The following TRAF7 variants were observed in gnomAD, a reference collection of about 807,000 sequenced individuals.
TRAF7 encodes E3 ubiquitin-protein ligase TRAF7.
A neutral mutation model predicts 89.3 loss-of-function variants in TRAF7; 45 were observed. That is an observed-to-expected ratio of 0.50 (90% confidence interval 0.40 to 0.65). TRAF7 has a LOEUF of 0.65. Ranked by LOEUF, TRAF7 falls within the 30% of genes least tolerant of loss-of-function variation. The pLI, the probability that TRAF7 is intolerant of heterozygous loss-of-function variation, is 0.00. For synonymous variants in TRAF7, 406 were observed against 369.2 expected, an observed-to-expected ratio of 1.10 and a Z score of -1.14; for missense variants, 677 against 918.1, an observed-to-expected ratio of 0.74 and a Z score of 3.39.
At chr16:2,169,494 A>G (rs2093099642) in intron 4 of TRAF7, among the ~76,000 whole-genome samples, 1 of 151,584 alleles carries the variant, frequency 6.6e-6, no homozygotes, top group Non-Finnish European at 1.5e-5. Flanking sequence ...AGAGGCGGGT[A>G]CCTTCTCTGT....
At position 2,158,772 on chromosome 16, in the gene TRAF7, G is replaced by GT. The variant is rs1399497029; in HGVS notation, c.-39+2914_-39+2915insT. On this transcript the variant is annotated intron_variant, in intron 1 of 20. Transcript: ENST00000326181. The surrounding 1 kb of genome is among the most constrained non-coding windows in gnomAD (Gnocchi z 4.7). ...GACTGGGAAGCGTGGGCTCGGCGGG[G>GT]GGGGGGGGGACACTGCCACCCTTGG... is the stretch of plus-strand genomic sequence containing the variant. 6.0e-5 allele frequency among the ~76,000 whole-genome samples: 9 copies of GT among 150,904 alleles called. No individual in the cohort carries two copies. The highest frequency in any genetic ancestry group is 2.2e-4 in the African/African-American group (9 of 40,898).
At chr16:2,176,510 C>A (rs1270517255) in intron 20 of TRAF7, 50 bp from the exon 21 acceptor site, 2 of 1,612,442 alleles carry the variant, frequency 1.2e-6, no homozygotes, top group African/African-American at 2.7e-5. Context: ...GTGGCTGGGG[C>A]AGGGCAGCCG....
At chr16:2,164,701 G>T (rs1182472132) in intron 2 of TRAF7, among the ~76,000 whole-genome samples, 4 of 126,174 alleles carry the variant, frequency 3.2e-5, no homozygotes, top group Admixed American at 8.0e-5. Flanking sequence ...TTAAGCGTGT[G>T]AGTGCTGCGT....
intron 3 of TRAF7, among the ~76,000 whole-genome samples, chr16:2,166,505 A>T (rs1343617320): frequency 6.6e-6 from 1 of 152,032 alleles, no homozygotes; most frequent in Non-Finnish European, 1.5e-5. Context: ...GCCTCCTGGG[A>T]TCAGTCCTGC....
intron 14 of TRAF7, 116 bp from the exon 15 acceptor site, chr16:2,174,995 G>T: frequency 2.3e-6 from 3 of 1,287,000 alleles, no homozygotes; most frequent in Admixed American, 1.7e-5. Context: ...CAGTGGCCTT[G>T]GCCCTGGGCC....
rs2093097103 is a variant in TRAF7, at chr16:2,168,817, T to G, written c.231+649T>G. On this transcript the variant is annotated intron_variant, in intron 4 of 20. Transcript: ENST00000326181. The surrounding 1 kb of genome is among the most constrained non-coding windows in gnomAD (Gnocchi z 4.1). ...TGGTCAATGGCGCTCATTGCTGGGC[T>G]CTGGGCCTACCCAGGGGACAGAGGC... 6.6e-6 allele frequency among the ~76,000 whole-genome samples: 1 copy of G among 151,722 alleles called. No homozygotes were observed. Among genetic ancestry groups the G allele is most frequent in the Non-Finnish European group, 1.5e-5 (1 of 67,944 alleles).
intron 1 of TRAF7, among the ~76,000 whole-genome samples, chr16:2,157,466 G>C (rs1023891892): frequency 6.6e-5 from 10 of 152,222 alleles, no homozygotes; most frequent in African/African-American, 2.4e-4. Context: ...CCACCGAAAA[G>C]TGCCTTTGGC....
At position 2,168,649 on chromosome 16, in the gene TRAF7, G is replaced by A. The variant is rs542883403; in HGVS notation, c.231+481G>A. ...CCAGAGGCAATGGGGTGGGGGTTGC[G>A]GAACCTGCGCCAAGTGCTGGGGGAG... On this transcript the variant is annotated intron_variant, in intron 4 of 20. Coordinates refer to ENST00000326181, the MANE Select transcript of TRAF7 (RefSeq NM_032271.3). The surrounding 1 kb of genome is among the most constrained non-coding windows in gnomAD (Gnocchi z 4.1). The A allele has an allele frequency of 1.5e-3, 227 of 156,118 alleles. 1 individual carries two copies. Among genetic ancestry groups the A allele is most frequent in the Middle Eastern group, 0.013 (4 of 306 alleles). The allele number at this position is 156,118 out of a possible 1,614,324, so 9.7% of individuals were successfully genotyped here. A position where few individuals can be genotyped will look rare whatever the true frequency, so the allele number is the denominator to read the frequency against.
At chr16:2,167,727 G>A (rs1397630371) in intron 3 of TRAF7, among the ~76,000 whole-genome samples, 2 of 152,218 alleles carry the variant, frequency 1.3e-5, no homozygotes, top group African/African-American at 4.8e-5. Context: ...ATGGCTGCGT[G>A]CTGGCCATGA....
chr16:2,164,149 T>G (rs796748492), intron 2 of TRAF7, 148 bp downstream of exon 2: 5 of 556,664 alleles, frequency 9.0e-6, no homozygotes, highest in East Asian at 6.2e-5. Context: ...GGTGTGTGTG[T>G]GTGTGTGTGT....
At chr16:2,174,733 C>T (rs1398533220) in intron 14 of TRAF7, among the ~76,000 whole-genome samples, 2 of 152,206 alleles carry the variant, frequency 1.3e-5, no homozygotes, top group East Asian at 3.9e-4. Flanking sequence ...AGGTGGCCCG[C>T]CTGCCTCCTG....
intron 1 of TRAF7, among the ~76,000 whole-genome samples, chr16:2,160,730 GA>G (rs988305127): frequency 8.5e-5 from 13 of 152,242 alleles, no homozygotes; most frequent in African/African-American, 3.1e-4. Context: ...CCAGCACTGG[GA>G]ACTGGAGGGC....
intron 7 of TRAF7, 141 bp from the exon 8 acceptor site, chr16:2,172,050 C>A: frequency 2.1e-6 from 2 of 964,160 alleles, no homozygotes; most frequent in Non-Finnish European, 3.1e-6. Context: ...TCTTGGTGGC[C>A]CACCTGTGCC....
rs910903401 is a variant in TRAF7, at chr16:2,166,435, G to T, written c.139+499G>T. ...AGTCTGGTTTGTTTTTTTGAGACGG[G>T]TGTCACTCTGTCACCCAAGCTGGAA... On this transcript the variant is annotated intron_variant, in intron 3 of 20. Transcript: ENST00000326181. Among the ~76,000 whole-genome samples, 3 of 152,132 alleles carry T rather than the reference G, an allele frequency of 2.0e-5. 1 individual carries two copies. Among genetic ancestry groups the T allele is most frequent in the African/African-American group, 7.2e-5 (3 of 41,418 alleles).
Position 2,172,338 on chromosome 16 carries a change from G to A in TRAF7, c.623G>A (p.Arg208Gln), listed in dbSNP as rs771191963. 9.3e-6 allele frequency: 15 copies of A among 1,612,248 alleles called. No homozygotes were observed. The highest frequency in any genetic ancestry group is 8.8e-5 in the South Asian group (8 of 91,058). The stretch of plus-strand genomic sequence containing the variant: ...CCCCCCATCTTTGAGGTGGACCCCC[G>A]AGGGTGCCCCTTCACCATCAAGCTC... ...GKPPIFEVDPRGCPFTIKLSA... is the reference protein window; with the variant it reads ...GKPPIFEVDPQGCPFTIKLSA... The change falls in exon 8 of 21, where the codon CGA becomes CAA. Residue 208 changes from arginine to glutamine, a missense_variant. Coordinates refer to ENST00000326181, the MANE Select transcript of TRAF7 (RefSeq NM_032271.3).
At chr16:2,173,159 A>C in intron 9 of TRAF7, 23 bp from the exon 10 acceptor site, 1 of 1,591,492 alleles carries the variant, frequency 6.3e-7, no homozygotes, top group Non-Finnish European at 8.5e-7. Context: ...CCCGCCAGGC[A>C]GGCAGCTGTC....
In TRAF7 at chr16:2,170,715, G is replaced by A; in HGVS notation, c.333G>A (p.Glu111=). 1.3e-6 allele frequency: 2 copies of A among 1,587,370 alleles called. No individual in the cohort carries two copies. Among genetic ancestry groups the A allele is most frequent in the Non-Finnish European group, 1.7e-6 (2 of 1,165,434 alleles). Residue 111 remains glutamate (E), a synonymous_variant, in exon 5 of 21, where the codon GAG becomes GAA. Coordinates refer to ENST00000326181, the MANE Select transcript of TRAF7 (RefSeq NM_032271.3). ...TGCGCTCCACATTCTCACTGCCCGAGGAGGAGGAGGAGCCGGTAGGTGTGG... is the reference window on the plus strand; with the variant it reads ...TGCGCTCCACATTCTCACTGCCCGAAGAGGAGGAGGAGCCGGTAGGTGTGG... ...MSLRSTFSLP[E]EEEEPEPLVF...
intron 12 of TRAF7, 21 bp downstream of exon 12, chr16:2,173,857 G>GCC: frequency 2.5e-6 from 4 of 1,607,512 alleles, no homozygotes; most frequent in South Asian, 1.1e-5. Flanking sequence ...ACCCGCCGTG[G>GCC]CTCCCGCCCA....
At chr16:2,173,859 T>TGGGGCGC in intron 12 of TRAF7, 23 bp downstream of exon 12, 2 of 1,246,232 alleles carry the variant, frequency 1.6e-6, no homozygotes, top group Non-Finnish European at 1.1e-6. Context: ...CCGCCGTGGC[T>TGGGGCGC]CCCGCCCACC....
Sources: allele counts gnomAD v4.1 joint callset (sites outside exome capture counted in the v4.1 genomes callset), GRCh38; gene constraint gnomAD v4.1.1; non-coding constraint Gnocchi (gnomAD v3.1); transcripts MANE v1.5; gene names NCBI Gene and HGNC (gene_info 2026-07-23, HGNC 2026-07-21).